The following RAB11FIP2 variants were observed in gnomAD, a reference collection of about 807,000 sequenced individuals.
The protein encoded by RAB11FIP2 is rab11 family-interacting protein 2.
RAB11FIP2 carries 16 observed loss-of-function variants against 40.9 expected under a neutral mutation model. The ratio of observed to expected loss-of-function variants is 0.39; its 90% CI spans 0.26 to 0.59. RAB11FIP2 has a LOEUF of 0.59. RAB11FIP2 is among the 20% of genes least tolerant of loss of function. The pLI, the probability that RAB11FIP2 is intolerant of heterozygous loss-of-function variation, is 0.53. For missense variants in RAB11FIP2, 532 were observed against 606.2 expected (o/e 0.88, Z 1.28); for synonymous variants, 228 against 213.7 (o/e 1.07, Z -0.58).
At chr10:118,041,457 C>T (rs1405240677) in intron 1 of RAB11FIP2, among the ~76,000 whole-genome samples, 1 of 152,076 alleles carries the variant, frequency 6.6e-6, no homozygotes, top group East Asian at 1.9e-4. Context: ...ATGAGAAATT[C>T]TCCAGTTGGC....
chr10:118,045,550 T>A (rs1370229430), intron 1 of RAB11FIP2: 7 of 399,234 alleles, frequency 1.8e-5, no homozygotes, highest in Non-Finnish European at 2.7e-5. Flanking sequence ...AATGTTAACT[T>A]ACTTAAAATC....
At position 118,007,227 on chromosome 10, in the gene RAB11FIP2, T is replaced by C. The variant is rs1239242890; in HGVS notation, c.*1771A>G. On this transcript the variant is annotated 3_prime_UTR_variant, in exon 5 of 5. Coordinates refer to ENST00000355624, the MANE Select transcript of RAB11FIP2 (RefSeq NM_014904.3). Reference sequence around the variant, plus strand: ...GAAAATACCATTCTACACCAGACTTTGAGGTTTATTACAGAATCTTGAGGA... The same window carrying C: ...GAAAATACCATTCTACACCAGACTTCGAGGTTTATTACAGAATCTTGAGGA... The C allele has an allele frequency of 6.6e-6, 1 of 151,550 alleles. No individual in the cohort carries two copies. Among genetic ancestry groups the C allele is most frequent in the East Asian group, 1.9e-4 (1 of 5,180 alleles). 9.4% of individuals were successfully genotyped at this position (151,550 alleles called of 1,614,324 possible).
chr10:118,026,862 T>C (rs1039616222), intron 3 of RAB11FIP2, among the ~76,000 whole-genome samples: 5 of 152,232 alleles, frequency 3.3e-5, no homozygotes, highest in Non-Finnish European at 4.4e-5. Context: ...TTTTATCTCA[T>C]CAAAGATTAT....
chr10:118,024,576 C>T (rs1589642385), intron 3 of RAB11FIP2, among the ~76,000 whole-genome samples: 2 of 151,196 alleles, frequency 1.3e-5, no homozygotes, highest in South Asian at 4.2e-4. Context: ...AAGGCACCTG[C>T]AGGGCCAAAC....
At chr10:118,039,965 C>A in intron 2 of RAB11FIP2, 158 bp downstream of exon 2, 1 of 605,056 alleles carries the variant, frequency 1.7e-6, no homozygotes, top group Admixed American at 3.3e-5. Context: ...AGGAACTTAC[C>A]AATTTGAGGT....
At chr10:118,034,199 G>A (rs1030557110) in intron 3 of RAB11FIP2, among the ~76,000 whole-genome samples, 1 of 152,124 alleles carries the variant, frequency 6.6e-6, no homozygotes, top group Non-Finnish European at 1.5e-5. Flanking sequence ...TGGCCTCCAA[G>A]CTTAGTTTGC....
rs67350544 is a variant in RAB11FIP2 at position 118,046,458 on chromosome 10, CG to C, written c.-296del. 317,126 of 317,132 alleles carry C rather than the reference CG, an allele frequency of 1. 158,560 individuals are homozygous for C. The highest frequency in any genetic ancestry group is 1 in the Middle Eastern group (1,146 of 1,146). The allele number at this position is 317,132 out of a possible 1,614,324, so 19.6% of individuals were successfully genotyped here. ...CCTGTCTCCACCTTCCCCAGGCCTG[CG>C]GGGCACGTGAGGCCTGGCCACACGG... is the stretch of plus-strand genomic sequence containing the variant. On this transcript the variant is annotated 5_prime_UTR_variant, in exon 1 of 5. Coordinates refer to ENST00000355624, the MANE Select transcript of RAB11FIP2 (RefSeq NM_014904.3).
intron 3 of RAB11FIP2, chr10:118,033,937 T>C: frequency 1.4e-6 from 1 of 701,376 alleles, no homozygotes; most frequent in Non-Finnish European, 2.6e-6. Context: ...CCTCGTCAGG[T>C]GGGCCTTCCA....
At chr10:118,023,976 GCTA>G (rs1312845372) in intron 3 of RAB11FIP2, among the ~76,000 whole-genome samples, 1 of 151,738 alleles carries the variant, frequency 6.6e-6, no homozygotes, top group African/African-American at 2.4e-5. Context: ...TATAATCCCA[GCTA>G]CTCAGGAGGC....
chr10:118,012,971 A>C (rs144705574), intron 4 of RAB11FIP2, among the ~76,000 whole-genome samples: 1,876 of 152,208 alleles, frequency 0.012, 16 homozygotes, highest in Non-Finnish European at 0.021. Context: ...GAATTACTAC[A>C]TGAAGTTTTC....
chr10:118,013,183 G>A (rs1564829961), intron 4 of RAB11FIP2, among the ~76,000 whole-genome samples: 1 of 151,938 alleles, frequency 6.6e-6, no homozygotes. Flanking sequence ...AATATTGGTG[G>A]GGTACTAACT....
chr10:118,038,344 C>T (rs1283490757), intron 3 of RAB11FIP2, among the ~76,000 whole-genome samples: 1 of 151,608 alleles, frequency 6.6e-6, no homozygotes, highest in East Asian at 1.9e-4. Context: ...ATATATATAA[C>T]TGAAAACTCA....
chr10:118,021,419 C>G (rs1846281968), intron 3 of RAB11FIP2, among the ~76,000 whole-genome samples: 1 of 152,336 alleles, frequency 6.6e-6, no homozygotes, highest in South Asian at 2.1e-4. Context: ...GACACTCCCT[C>G]TCTCCTAGAG....
chr10:118,019,323 G>A (rs1008871774), intron 3 of RAB11FIP2, among the ~76,000 whole-genome samples: 7 of 152,170 alleles, frequency 4.6e-5, no homozygotes, highest in African/African-American at 1.7e-4. Context: ...AATTAAATGT[G>A]AAATCCAGGA....
intron 3 of RAB11FIP2, chr10:118,018,112 A>AT (rs1846243151): frequency 6.6e-6 from 1 of 152,176 alleles, no homozygotes; most frequent in South Asian, 2.1e-4. Context: ...TGTACTGGGT[A>AT]TTGTCTGAAG....
At chr10:118,030,354 T>C (rs60095766) in intron 3 of RAB11FIP2, among the ~76,000 whole-genome samples, 3,538 of 152,262 alleles carry the variant, frequency 0.023, 133 homozygotes, top group African/African-American at 0.08. Flanking sequence ...CTGTATCTTA[T>C]ATTTGATCAT....
chr10:118,014,200 C>T (rs1007227271), intron 4 of RAB11FIP2, among the ~76,000 whole-genome samples: 1 of 151,986 alleles, frequency 6.6e-6, no homozygotes, highest in African/African-American at 2.4e-5. Flanking sequence ...CATGTCACAT[C>T]CTAAAAAATA....
At position 118,046,496 on chromosome 10, in the gene RAB11FIP2, G is replaced by A; in HGVS notation, c.-333C>T. On this transcript the variant is annotated 5_prime_UTR_variant, in exon 1 of 5. Transcript: ENST00000355624. ...GCCTGGCCACACGGACCCGGGCGGA[G>A]GGCTGCGGGGGTGAAGGGAGCCCCC... 5.7e-6 allele frequency: 1 copy of A among 175,742 alleles called. No individual in the cohort carries two copies. The allele number at this position is 175,742 out of a possible 1,614,324, so 10.9% of individuals were successfully genotyped here.
intron 4 of RAB11FIP2, among the ~76,000 whole-genome samples, chr10:118,012,565 A>C (rs1846171561): frequency 6.6e-6 from 1 of 151,936 alleles, no homozygotes; most frequent in South Asian, 2.1e-4. Context: ...ATATAACTCC[A>C]AATAAAATAA....
Sources: gnomAD v4.1 joint callset for allele counts (sites outside exome capture counted in the v4.1 genomes callset) on GRCh38, gnomAD v4.1.1 for gene constraint, MANE v1.5 for transcripts, NCBI Gene and HGNC (gene_info 2026-07-23, HGNC 2026-07-21) for gene names.